Variants in SGMS1 observed in about 807,000 individuals in gnomAD.
The protein encoded by SGMS1 is phosphatidylcholine:ceramide cholinephosphotransferase 1.
Under a neutral mutation model 46.2 loss-of-function variants are expected in SGMS1, and 13 were observed. The observed-to-expected ratio is 0.28, with a 90% CI of 0.18 to 0.45. The LOEUF (loss-of-function observed/expected upper bound fraction) is 0.45, where lower values mean the gene tolerates loss of function less well. SGMS1 is among the 20% of genes least tolerant of loss of function. SGMS1 has a pLI of 1.00. For synonymous variants in SGMS1, 203 were observed against 187.8 expected, an observed-to-expected ratio of 1.08 and a Z score of -0.66; for missense variants, 324 against 519.9, an observed-to-expected ratio of 0.62 and a Z score of 3.66.
At chr10:50,387,685 T>C (rs1042623805) in intron 6 of SGMS1, among the ~76,000 whole-genome samples, 1 of 152,200 alleles carries the variant, frequency 6.6e-6, no homozygotes, top group African/African-American at 2.4e-5. Context: ...GTATTGTATA[T>C]GCTAAAAGAA....
intron 6 of SGMS1, among the ~76,000 whole-genome samples, chr10:50,407,156 C>T (rs1002589534): frequency 3.3e-5 from 5 of 152,176 alleles, no homozygotes; most frequent in Non-Finnish European, 2.9e-5. Context: ...AGTAAAAGAG[C>T]AAGAATTAGC....
At chr10:50,404,478 G>A (rs1408275434) in intron 6 of SGMS1, among the ~76,000 whole-genome samples, 1 of 152,072 alleles carries the variant, frequency 6.6e-6, no homozygotes, top group Admixed American at 6.5e-5. Context: ...GCATCGTGGT[G>A]CATGCCTGTG....
chr10:50,497,561 G>C (rs966809107), intron 3 of SGMS1, among the ~76,000 whole-genome samples: 2 of 152,178 alleles, frequency 1.3e-5, no homozygotes, highest in African/African-American at 4.8e-5. Flanking sequence ...GGGAGGCCGA[G>C]GCAGATGGAT....
intron 6 of SGMS1, among the ~76,000 whole-genome samples, chr10:50,368,951 A>G (rs115068668): frequency 0.011 from 1,716 of 152,358 alleles, 34 homozygotes; most frequent in African/African-American, 0.039. Context: ...AAGGTTCAAA[A>G]TAAGTTATAC....
intron 1 of SGMS1, among the ~76,000 whole-genome samples, chr10:50,603,305 A>T (rs986398423): frequency 6.6e-6 from 1 of 152,234 alleles, no homozygotes; most frequent in African/African-American, 2.4e-5. Flanking sequence ...GAGAGGCCGG[A>T]GCCCAGGCTG....
At chr10:50,468,342 G>A (rs1352226564) in intron 3 of SGMS1, among the ~76,000 whole-genome samples, 1 of 152,144 alleles carries the variant, frequency 6.6e-6, no homozygotes, top group Non-Finnish European at 1.5e-5. Context: ...ATTAGATACA[G>A]AATATGCTGT....
At chr10:50,455,403 T>G (rs1837178852) in intron 5 of SGMS1, among the ~76,000 whole-genome samples, 2 of 152,376 alleles carry the variant, frequency 1.3e-5, no homozygotes, top group South Asian at 4.1e-4. Flanking sequence ...AATAACTAAA[T>G]GTATATTAAC....
At chr10:50,371,237 A>G (rs1848431550) in intron 6 of SGMS1, among the ~76,000 whole-genome samples, 1 of 152,180 alleles carries the variant, frequency 6.6e-6, no homozygotes, top group African/African-American at 2.4e-5. Flanking sequence ...CATTGTACAG[A>G]TAATTTGTCA....
chr10:50,435,771 C>A (rs1471956957), intron 5 of SGMS1, among the ~76,000 whole-genome samples: 5 of 152,110 alleles, frequency 3.3e-5, no homozygotes, highest in African/African-American at 9.6e-5. Flanking sequence ...AACAAACAAA[C>A]AAAAAAATAC....
At chr10:50,420,531 G>A (rs1372747338) in intron 6 of SGMS1, among the ~76,000 whole-genome samples, 1 of 152,184 alleles carries the variant, frequency 6.6e-6, no homozygotes. Context: ...TAATTTTATA[G>A]TAGAGATCAA....
rs1847930340 is a variant in SGMS1 at position 50,347,267 on chromosome 10, C to T, written c.-231-2922G>A. ...CTGCTCAATATCTTCAAAAATATTC[C>T]TTTGACCTAGTAATGTGTAGATGGC... On this transcript the variant is annotated intron_variant, in intron 6 of 10. Coordinates refer to ENST00000361781, the MANE Select transcript of SGMS1 (RefSeq NM_147156.4). Among the ~76,000 whole-genome samples the T allele has an allele frequency of 2.0e-5, 3 of 152,158 alleles. No homozygotes were observed. The South Asian group carries it at 6.2e-4, about 31-fold the overall frequency.
chr10:50,374,575 C>G (rs1848494755), intron 6 of SGMS1, among the ~76,000 whole-genome samples: 1 of 152,238 alleles, frequency 6.6e-6, no homozygotes, highest in Admixed American at 6.5e-5. Context: ...ATGCTCAAAA[C>G]CCTTTGTGCT....
At chr10:50,334,389 TTG>T (rs149753296) in intron 7 of SGMS1, 1 of 152,198 alleles carries the variant, frequency 6.6e-6, no homozygotes, top group Non-Finnish European at 1.5e-5. Context: ...ACATGTGTGT[TTG>T]TGTGTGTGTG....
chr10:50,505,828 G>A (rs1837702065), intron 3 of SGMS1, among the ~76,000 whole-genome samples: 1 of 152,114 alleles, frequency 6.6e-6, no homozygotes, highest in Admixed American at 6.6e-5. Flanking sequence ...AGAGGCCCGA[G>A]GAATGGGGAG....
intron 2 of SGMS1, among the ~76,000 whole-genome samples, chr10:50,546,720 T>A (rs1047054878): frequency 3.3e-5 from 5 of 151,994 alleles, no homozygotes; most frequent in Non-Finnish European, 5.9e-5. Context: ...CAGGGCCTGT[T>A]GTGGGGTCGG....
At chr10:50,346,910 G>A (rs537333130) in intron 6 of SGMS1, among the ~76,000 whole-genome samples, 136 of 152,202 alleles carry the variant, frequency 8.9e-4, no homozygotes, top group Non-Finnish European at 1.7e-3. Flanking sequence ...GTCTCACTAT[G>A]TTGCTCGGGC....
At chr10:50,391,727 C>G (rs1353502340) in intron 6 of SGMS1, among the ~76,000 whole-genome samples, 2 of 151,012 alleles carry the variant, frequency 1.3e-5, no homozygotes, top group African/African-American at 4.9e-5. Context: ...GTATGTTCAT[C>G]ATAGCACTAT....
intron 2 of SGMS1, among the ~76,000 whole-genome samples, chr10:50,551,649 C>T (rs1838149502): frequency 6.6e-6 from 1 of 152,006 alleles, no homozygotes; most frequent in Non-Finnish European, 1.5e-5. Context: ...ATCTTTGCAA[C>T]TTTTCTGTAA....
intron 2 of SGMS1, among the ~76,000 whole-genome samples, chr10:50,568,858 G>A (rs1838312961): frequency 2.0e-5 from 3 of 152,178 alleles, no homozygotes; most frequent in Admixed American, 1.3e-4. Flanking sequence ...AGTAAAGAGT[G>A]TGCAGCCCTG....
Sources: gnomAD v4.1 joint callset for allele counts (sites outside exome capture counted in the v4.1 genomes callset) on GRCh38, gnomAD v4.1.1 for gene constraint, MANE v1.5 for transcripts, NCBI Gene and HGNC (gene_info 2026-07-23, HGNC 2026-07-21) for gene names.